DUS2: variants seen among roughly 807,000 people sequenced by gnomAD.
DUS2 encodes dihydrouridine synthase 2, also known as tRNA-dihydrouridine(20) synthase [NAD(P)+]-like.
A neutral mutation model predicts 71.3 loss-of-function variants in DUS2; 52 were observed. That is an observed-to-expected ratio of 0.73 (90% CI 0.58 to 0.92). The LOEUF (loss-of-function observed/expected upper bound fraction) is 0.92, where lower values mean the gene tolerates loss of function less well. DUS2 is among the 40% of genes least tolerant of loss of function. The pLI is 0.00. For missense variants in DUS2, 558 were observed against 622.6 expected (o/e 0.90, Z 1.10); for synonymous variants, 204 against 227.8 (o/e 0.90, Z 0.94).
At position 68,062,718 on chromosome 16, in the gene DUS2, C is replaced by CAA. The variant is rs552579994; in HGVS notation, c.417+1626_417+1627dup. ...TGGGCGACAGAGCAAGACTCCGTCTCAAAAAAAAAAAAAAAAAAAAAAGAT... is the reference window on the plus strand; with the variant it reads ...TGGGCGACAGAGCAAGACTCCGTCTCAAAAAAAAAAAAAAAAAAAAAAAAGAT... On this transcript the variant is annotated intron_variant, in intron 8 of 16. Transcript: ENST00000565263. Among the ~76,000 whole-genome samples, 211 of 48,136 alleles carry CAA rather than the reference C, an allele frequency of 4.4e-3. 3 individuals carry two copies. Among genetic ancestry groups the CAA allele is most frequent in the Middle Eastern group, 0.016 (2 of 124 alleles). The allele number at this position is 48,136 out of a possible 152,430, so 31.6% of individuals were successfully genotyped here. A position where few individuals can be genotyped will look rare whatever the true frequency, so the allele number is the denominator to read the frequency against.
chr16:68,040,735 T>C (rs532457244), intron 3 of DUS2, among the ~76,000 whole-genome samples: 6 of 151,370 alleles, frequency 4.0e-5, no homozygotes, highest in Non-Finnish European at 8.8e-5. Flanking sequence ...CGGGCATGGC[T>C]GAGTGTGGTG....
intron 6 of DUS2, among the ~76,000 whole-genome samples, chr16:68,055,836 CAA>C (rs969352625): frequency 7.2e-6 from 1 of 138,860 alleles, no homozygotes; most frequent in African/African-American, 2.6e-5. Context: ...CCATTACTTT[CAA>C]TGGCAAAAAC....
At chr16:68,030,974 C>A (rs1451001423) in intron 2 of DUS2, among the ~76,000 whole-genome samples, 1 of 152,180 alleles carries the variant, frequency 6.6e-6, no homozygotes, top group South Asian at 2.1e-4. Context: ...AAACTCCTGG[C>A]CTTGAGTGAT....
intron 3 of DUS2, 132 bp from the exon 4 acceptor site, chr16:68,049,373 C>A: frequency 1.2e-6 from 1 of 843,744 alleles, no homozygotes; most frequent in South Asian, 1.5e-5. Flanking sequence ...CACTACATGT[C>A]CCAAAAGCCG....
chr16:68,067,585 TTTTC>T (rs1030904722), intron 10 of DUS2, among the ~76,000 whole-genome samples: 12 of 151,602 alleles, frequency 7.9e-5, no homozygotes, highest in Admixed American at 7.9e-4. Context: ...CCCAGCCTCA[TTTTC>T]TTTCTATTAT....
At chr16:68,045,711 T>G (rs1356956384) in intron 3 of DUS2, among the ~76,000 whole-genome samples, 1 of 151,734 alleles carries the variant, frequency 6.6e-6, no homozygotes, top group Non-Finnish European at 1.5e-5. Context: ...TTGTCCTGGC[T>G]GGAACTTTCT....
chr16:68,049,640 TG>T (rs1479542295), intron 4 of DUS2, 90 bp downstream of exon 4: 1 of 1,231,524 alleles, frequency 8.1e-7, no homozygotes, highest in African/African-American at 1.5e-5. Context: ...GACAGTGTCT[TG>T]CCTGGCTTCA....
intron 2 of DUS2, among the ~76,000 whole-genome samples, chr16:68,033,218 A>G (rs1274125432): frequency 6.6e-6 from 1 of 152,086 alleles, no homozygotes; most frequent in Non-Finnish European, 1.5e-5. Context: ...GCAACAGATG[A>G]GCGGAGGGTT....
intron 7 of DUS2, among the ~76,000 whole-genome samples, chr16:68,057,668 T>G (rs1016299926): frequency 1.3e-5 from 2 of 151,390 alleles, no homozygotes; most frequent in African/African-American, 4.9e-5. Flanking sequence ...TCACCTGAGG[T>G]CAGGAGTTTG....
chr16:68,026,433 A>T (rs1277924801), intron 2 of DUS2, among the ~76,000 whole-genome samples: 1 of 152,044 alleles, frequency 6.6e-6, no homozygotes, highest in Non-Finnish European at 1.5e-5. Flanking sequence ...CCATTTTCCC[A>T]CCTGTAGCAG....
At chr16:68,077,582 TTTCACCATC>T (rs2034176140) in intron 15 of DUS2, 1 of 151,364 alleles carries the variant, frequency 6.6e-6, no homozygotes, top group Non-Finnish European at 1.5e-5. Flanking sequence ...AGGGATGGGG[TTTCACCATC>T]TTCACCAGGC....
chr16:68,066,571 A>T lies in DUS2; in HGVS notation c.489A>T (p.Glu163Asp). The T allele has an allele frequency of 6.2e-7, 1 of 1,614,204 alleles. No individual in the cohort carries two copies. Among genetic ancestry groups the T allele is most frequent in the Non-Finnish European group, 8.5e-7 (1 of 1,180,024 alleles). ...TCKIRILPSLEDTLSLVKRIE... is the reference protein window; with the variant it reads ...TCKIRILPSLDDTLSLVKRIE... ...TGTGTGGTCCTCCTCCTCAGCTAGAAGATACCCTGAGCCTTGTGAAGCGGA... is the reference window on the plus strand; with the variant it reads ...TGTGTGGTCCTCCTCCTCAGCTAGATGATACCCTGAGCCTTGTGAAGCGGA... Residue 163 changes from glutamate (E) to aspartate (D), a missense_variant, in exon 10 of 17, where the codon GAA becomes GAT. Glu to Asp is a conservative substitution (Grantham distance 45). Coordinates refer to ENST00000565263, the MANE Select transcript of DUS2 (RefSeq NM_017803.5).
At position 68,066,403 on chromosome 16, in the gene DUS2, A is replaced by G. The variant is rs200147333; in HGVS notation, c.483+21A>G. 2.3e-5 allele frequency: 37 copies of G among 1,611,530 alleles called. 1 individual carries two copies. Among genetic ancestry groups the G allele is most frequent in the African/African-American group, 4.0e-5 (3 of 74,866 alleles). ...CATCGGTAAGGATGGTGTGTTACAT[A>G]TGAAGGTCCATTCTCTCTGGTGATG... On this transcript the variant is annotated intron_variant, in intron 9 of 16. Transcript: ENST00000565263.
intron 4 of DUS2, among the ~76,000 whole-genome samples, chr16:68,052,065 AT>A (rs1026223740): frequency 1.6e-4 from 23 of 146,068 alleles, no homozygotes; most frequent in South Asian, 2.2e-4. Flanking sequence ...CACCCAGCTA[AT>A]TTTTTTTTTT....
intron 8 of DUS2, among the ~76,000 whole-genome samples, chr16:68,063,090 C>T (rs2033962684): frequency 6.6e-6 from 1 of 152,204 alleles, no homozygotes; most frequent in Non-Finnish European, 1.5e-5. Context: ...TCTACTGCCC[C>T]TCTTTGAATA....
intron 13 of DUS2, 146 bp from the exon 14 acceptor site, chr16:68,075,208 AG>A (rs939271064): frequency 1.5e-6 from 1 of 663,594 alleles, no homozygotes; most frequent in Non-Finnish European, 2.3e-6. Context: ...AGGGCTGGGC[AG>A]GGGGCACATT....
chr16:68,078,729 A>T lies in DUS2; in HGVS notation c.1245-20A>T. 1.3e-6 allele frequency: 2 copies of T among 1,594,420 alleles called. No individual in the cohort carries two copies. The highest frequency in any genetic ancestry group is 1.7e-6 in the Non-Finnish European group (2 of 1,166,634). On this transcript the variant is annotated intron_variant, in intron 16 of 16. Transcript: ENST00000565263. Reference sequence around the variant, plus strand: ...AGCCCTGCACCCTGCCCCTCACCTTATTGCCCTCTGTCTGCTCAGGGACAA... The same window carrying T: ...AGCCCTGCACCCTGCCCCTCACCTTTTTGCCCTCTGTCTGCTCAGGGACAA...
chr16:68,040,195 C>T (rs1296970868), intron 3 of DUS2, among the ~76,000 whole-genome samples: 1 of 152,004 alleles, frequency 6.6e-6, no homozygotes, highest in African/African-American at 2.4e-5. Flanking sequence ...AGTGATTCTC[C>T]CAACTCAGCC....
At chr16:68,043,029 CTTTTG>C (rs1292357025) in intron 3 of DUS2, among the ~76,000 whole-genome samples, 6 of 152,108 alleles carry the variant, frequency 3.9e-5, no homozygotes, top group Non-Finnish European at 7.4e-5. Context: ...ATTTTAAAAT[CTTTTG>C]TAGAGACAGG....
Sources: gnomAD v4.1 joint callset for allele counts (sites outside exome capture counted in the v4.1 genomes callset) on GRCh38, gnomAD v4.1.1 for gene constraint, MANE v1.5 for transcripts, NCBI Gene and HGNC (gene_info 2026-07-23, HGNC 2026-07-21) for gene names.